CMC1: variants seen among roughly 807,000 people sequenced by gnomAD.
The protein encoded by CMC1 is C-X9-C motif containing 1.
In CMC1, 14 loss-of-function variants were observed where a neutral mutation model predicts 14.1. The observed-to-expected ratio is 0.99, with a 90% confidence interval of 0.66 to 1.55. CMC1 has a LOEUF of 1.55. Among genes scored for constraint, CMC1 ranks in the 40% most tolerant of loss-of-function variants. CMC1 has a pLI of 0.00. For missense variants in CMC1, 127 were observed against 123.8 expected (o/e 1.03, Z -0.12); for synonymous variants, 50 against 38.4 (o/e 1.30, Z -1.12).
rs534206710 is a variant in CMC1 at position 28,270,378 on chromosome 3, A to G, written c.109+6998A>G. Among the ~76,000 whole-genome samples the G allele has an allele frequency of 5.3e-4, 80 of 152,308 alleles. 1 individual carries two copies. The highest frequency in any genetic ancestry group is 6.2e-4 in the South Asian group (3 of 4,826). On this transcript the variant is annotated intron_variant, in intron 2 of 3. Coordinates refer to ENST00000466830, the MANE Select transcript of CMC1 (RefSeq NM_182523.2). Reference sequence around the variant, plus strand: ...TGAACTAATTTACATTCCCACCAACAGTGTAAAAGTGTTTCTGTTTCTCCA... The same window carrying G: ...TGAACTAATTTACATTCCCACCAACGGTGTAAAAGTGTTTCTGTTTCTCCA...
intron 1 of CMC1, 57 bp downstream of exon 1, chr3:28,241,869 G>A: frequency 8.1e-7 from 1 of 1,233,208 alleles, no homozygotes; most frequent in East Asian, 3.2e-5. Flanking sequence ...CTCACGCCGC[G>A]GGCCATGCGG....
At chr3:28,258,977 A>G (rs1699584822) in intron 1 of CMC1, among the ~76,000 whole-genome samples, 1 of 152,088 alleles carries the variant, frequency 6.6e-6, no homozygotes, top group Admixed American at 6.5e-5. Context: ...TACCCAAATT[A>G]TGCCAGCACT....
At chr3:28,253,962 G>C (rs779724326) in intron 1 of CMC1, among the ~76,000 whole-genome samples, 1 of 152,162 alleles carries the variant, frequency 6.6e-6, no homozygotes, top group Admixed American at 6.5e-5. Context: ...GCTGTTGTCA[G>C]TAGCCTTATA....
rs1376045203 is a variant in CMC1 at position 28,284,728 on chromosome 3, TTCTGTG to T, written c.109+21350_109+21355del. Among the ~76,000 whole-genome samples the T allele has an allele frequency of 4.0e-5, 6 of 150,822 alleles. No individual in the cohort carries two copies. In the South Asian group the frequency reaches 8.3e-4, roughly 21 times the overall value. On this transcript the variant is annotated intron_variant, in intron 2 of 3. Coordinates refer to ENST00000466830, the MANE Select transcript of CMC1 (RefSeq NM_182523.2). ...TTTTTGGCTGTTTTTGTTGTTAGATTTCTGTGTGTGTGTGTGTGTGTGTGTTGGCTA... is the reference window on the plus strand; with the variant it reads ...TTTTTGGCTGTTTTTGTTGTTAGATTTGTGTGTGTGTGTGTGTGTTGGCTA...
chr3:28,271,675 T>G (rs748293495), intron 2 of CMC1, among the ~76,000 whole-genome samples: 1 of 152,248 alleles, frequency 6.6e-6, no homozygotes, highest in African/African-American at 2.4e-5. Flanking sequence ...GTCTTGGCTA[T>G]ATGGGCTCTT....
intron 3 of CMC1, chr3:28,318,957 A>G (rs542166737): frequency 4.2e-6 from 1 of 238,950 alleles, no homozygotes; most frequent in South Asian, 4.8e-5. Flanking sequence ...ATGGCACATC[A>G]TGATTTGACT....
intron 2 of CMC1, among the ~76,000 whole-genome samples, chr3:28,274,214 T>TTTTTTA: frequency 8.2e-6 from 1 of 122,610 alleles, no homozygotes; most frequent in South Asian, 2.6e-4. Flanking sequence ...GTGTTTTTGT[T>TTTTTTA]TTTTTCTTTT....
Position 28,279,699 on chromosome 3 carries a change from T to C in CMC1, c.109+16319T>C, listed in dbSNP as rs189761765. The stretch of plus-strand genomic sequence containing the variant: ...ATAAAACTTTTAGAATGGAAATGAA[T>C]AGGAATCATAACCTAAAGATAGATC... On this transcript the variant is annotated intron_variant, in intron 2 of 3. Coordinates refer to ENST00000466830, the MANE Select transcript of CMC1 (RefSeq NM_182523.2). Among the ~76,000 whole-genome samples, 79 of 142,892 alleles carry C rather than the reference T, an allele frequency of 5.5e-4. 1 individual carries two copies. The highest frequency in any genetic ancestry group is 4.8e-3 in the Admixed American group (70 of 14,478). The allele number at this position is 142,892 out of a possible 152,430, so 93.7% of individuals were successfully genotyped here.
intron 2 of CMC1, among the ~76,000 whole-genome samples, chr3:28,307,538 C>A (rs1702390236): frequency 6.6e-6 from 1 of 152,138 alleles, no homozygotes; most frequent in African/African-American, 2.4e-5. Context: ...GCATCAGTTC[C>A]TGATTTTGAG....
intron 2 of CMC1, among the ~76,000 whole-genome samples, chr3:28,269,422 A>G (rs1373919592): frequency 1.3e-5 from 2 of 151,228 alleles, no homozygotes; most frequent in Non-Finnish European, 3.0e-5. Flanking sequence ...AGGAAGATGC[A>G]GTATATTTTG....
Position 28,321,403 on chromosome 3 carries a change from TC to T in CMC1, c.*1778del, listed in dbSNP as rs1269992418. On this transcript the variant is annotated 3_prime_UTR_variant, in exon 4 of 4. Coordinates refer to ENST00000466830, the MANE Select transcript of CMC1 (RefSeq NM_182523.2). Reference sequence around the variant, plus strand: ...AAATTCACTTATGTACATGTTGCTTTCCCCATAGAAGCCAGATTAGATTACA... The same window carrying T: ...AAATTCACTTATGTACATGTTGCTTTCCCATAGAAGCCAGATTAGATTACA... 5 of 151,414 alleles carry T rather than the reference TC, an allele frequency of 3.3e-5. No homozygotes were observed. Among genetic ancestry groups the T allele is most frequent in the Admixed American group, 2.6e-4 (4 of 15,132 alleles). 9.4% of individuals were successfully genotyped at this position (151,414 alleles called of 1,614,324 possible). A position where few individuals can be genotyped will look rare whatever the true frequency, so the allele number is the denominator to read the frequency against.
At chr3:28,259,448 A>T (rs1344802544) in intron 1 of CMC1, among the ~76,000 whole-genome samples, 1 of 152,174 alleles carries the variant, frequency 6.6e-6, no homozygotes, top group Non-Finnish European at 1.5e-5. Context: ...TTAGGGCAAA[A>T]ATTAAAAAAG....
chr3:28,297,473 T>C (rs1227758276), intron 2 of CMC1, among the ~76,000 whole-genome samples: 1 of 152,070 alleles, frequency 6.6e-6, no homozygotes, highest in Non-Finnish European at 1.5e-5. Context: ...CAATGCTATT[T>C]AGAATATAAT....
At chr3:28,304,373 T>C (rs1702204723) in intron 2 of CMC1, among the ~76,000 whole-genome samples, 1 of 152,044 alleles carries the variant, frequency 6.6e-6, no homozygotes, top group Non-Finnish European at 1.5e-5. Flanking sequence ...TCATAATCCC[T>C]GAAACCTGTG....
chr3:28,264,958 T>C (rs1699930200), intron 2 of CMC1, among the ~76,000 whole-genome samples: 1 of 152,146 alleles, frequency 6.6e-6, no homozygotes. Context: ...ACTTTGAGTT[T>C]TATTTTTGGT....
intron 2 of CMC1, among the ~76,000 whole-genome samples, chr3:28,281,800 C>A (rs1265855241): frequency 1.3e-5 from 2 of 152,128 alleles, no homozygotes; most frequent in Admixed American, 6.5e-5. Context: ...TGAAGTACGG[C>A]TAATTATTTG....
intron 1 of CMC1, among the ~76,000 whole-genome samples, chr3:28,245,900 A>G (rs1698800029): frequency 6.6e-6 from 1 of 152,162 alleles, no homozygotes; most frequent in Admixed American, 6.5e-5. Flanking sequence ...ATCTTTTTTG[A>G]GCATTGTATG....
chr3:28,255,753 A>G lies in CMC1; in HGVS notation c.20-7538A>G, dbSNP rs192302098. Among the ~76,000 whole-genome samples, 1,069 of 151,082 alleles carry G rather than the reference A, an allele frequency of 7.1e-3. 3 individuals carry two copies. The highest frequency in any genetic ancestry group is 9.5e-3 in the Non-Finnish European group (645 of 67,752). ...CACACACACACACACACACACACAC[A>G]CGCGACAGAGATGATATGTAAAGCT... On this transcript the variant is annotated intron_variant, in intron 1 of 3. Coordinates refer to ENST00000466830, the MANE Select transcript of CMC1 (RefSeq NM_182523.2).
chr3:28,267,705 A>T (rs1252808393), intron 2 of CMC1, among the ~76,000 whole-genome samples: 1 of 152,216 alleles, frequency 6.6e-6, no homozygotes, highest in Non-Finnish European at 1.5e-5. Flanking sequence ...AATCACACAG[A>T]ACTGAAGTAT....
Sources: gnomAD v4.1 joint callset for allele counts (sites outside exome capture counted in the v4.1 genomes callset) on GRCh38, gnomAD v4.1.1 for gene constraint, MANE v1.5 for transcripts, NCBI Gene and HGNC (gene_info 2026-07-23, HGNC 2026-07-21) for gene names.